Variants in NR3C2 observed in about 807,000 individuals in gnomAD.
NR3C2 encodes the protein nuclear receptor subfamily 3 group C member 2.
Under a neutral mutation model 86.4 loss-of-function variants are expected in NR3C2, and 15 were observed. The ratio of observed to expected loss-of-function variants is 0.17; its 90% CI spans 0.12 to 0.27. The LOEUF (loss-of-function observed/expected upper bound fraction) is 0.27, where lower values mean the gene tolerates loss of function less well. Among genes scored for constraint, NR3C2 ranks in the 10% least tolerant of loss-of-function variants. NR3C2 has a pLI of 1.00. For synonymous variants in NR3C2, 458 were observed against 450.5 expected, an observed-to-expected ratio of 1.02 and a Z score of -0.21; for missense variants, 960 against 1,195.6, an observed-to-expected ratio of 0.80 and a Z score of 2.91.
intron 4 of NR3C2, among the ~76,000 whole-genome samples, chr4:148,181,236 T>C (rs539548799): frequency 1.3e-5 from 2 of 152,332 alleles, no homozygotes; most frequent in African/African-American, 4.8e-5. Context: ...TTTAGTATTT[T>C]AGTGTCTTCA....
At chr4:148,167,042 C>T (rs1734912364) in intron 4 of NR3C2, among the ~76,000 whole-genome samples, 1 of 152,188 alleles carries the variant, frequency 6.6e-6, no homozygotes. Context: ...TGTTACTATT[C>T]TGCTTATGTT....
intron 6 of NR3C2, among the ~76,000 whole-genome samples, chr4:148,134,636 TC>T (rs1170490677): frequency 0.015 from 1,742 of 119,246 alleles, 72 homozygotes; most frequent in African/African-American, 0.062. Flanking sequence ...TCTCTCTCTC[TC>T]TCTCTCTTTT....
At chr4:148,192,419 C>T (rs536939228) in intron 4 of NR3C2, among the ~76,000 whole-genome samples, 1 of 152,284 alleles carries the variant, frequency 6.6e-6, no homozygotes, top group East Asian at 1.9e-4. Flanking sequence ...GGGTTTTTAG[C>T]TTTGGTGGTT....
intron 4 of NR3C2, among the ~76,000 whole-genome samples, chr4:148,159,275 G>C (rs542216152): frequency 1.3e-5 from 2 of 152,070 alleles, no homozygotes; most frequent in Non-Finnish European, 2.9e-5. Flanking sequence ...CATATATAAA[G>C]TATTAGTTTA....
intron 8 of NR3C2, among the ~76,000 whole-genome samples, chr4:148,085,870 A>G (rs1164369030): frequency 6.6e-6 from 1 of 152,242 alleles, no homozygotes; most frequent in African/African-American, 2.4e-5. Context: ...CAAATAAACT[A>G]GAAAATCTAG....
chr4:148,218,514 T>C (rs1663738664), intron 3 of NR3C2, among the ~76,000 whole-genome samples: 1 of 152,226 alleles, frequency 6.6e-6, no homozygotes, highest in Non-Finnish European at 1.5e-5. Flanking sequence ...TCCTCCATCT[T>C]ATTTTTCAAG....
intron 4 of NR3C2, among the ~76,000 whole-genome samples, chr4:148,159,889 A>G (rs748836614): frequency 6.6e-6 from 1 of 152,240 alleles, no homozygotes; most frequent in Non-Finnish European, 1.5e-5. Context: ...TACTAAATCA[A>G]TATTGAGTTT....
intron 4 of NR3C2, among the ~76,000 whole-genome samples, chr4:148,164,782 G>A (rs1734808932): frequency 6.6e-6 from 1 of 152,224 alleles, no homozygotes; most frequent in African/African-American, 2.4e-5. Flanking sequence ...GTTCTAACAA[G>A]GTCACAGGGG....
intron 4 of NR3C2, among the ~76,000 whole-genome samples, chr4:148,179,429 G>T (rs1735545954): frequency 6.6e-6 from 1 of 151,686 alleles, no homozygotes; most frequent in Non-Finnish European, 1.5e-5. Context: ...GCAACAGAGG[G>T]TATCTGTATA....
At chr4:148,176,447 A>C (rs1236428817) in intron 4 of NR3C2, among the ~76,000 whole-genome samples, 1 of 152,204 alleles carries the variant, frequency 6.6e-6, no homozygotes, top group Non-Finnish European at 1.5e-5. Flanking sequence ...AGATGTACAA[A>C]GGGAGCATCT....
intron 2 of NR3C2, among the ~76,000 whole-genome samples, chr4:148,319,489 T>C (rs200982706): frequency 0.13 from 18,953 of 150,570 alleles, 1,256 homozygotes; most frequent in Middle Eastern, 0.16. Context: ...TTTCACGATA[T>C]TGATTCTTCC....
intron 4 of NR3C2, among the ~76,000 whole-genome samples, chr4:148,161,435 C>T (rs1207121442): frequency 2.0e-5 from 3 of 151,848 alleles, no homozygotes; most frequent in Non-Finnish European, 4.4e-5. Flanking sequence ...CTGCAACCTC[C>T]GTCTCCTGGG....
chr4:148,327,298 A>T (rs996786903), intron 2 of NR3C2, among the ~76,000 whole-genome samples: 1 of 152,238 alleles, frequency 6.6e-6, no homozygotes, highest in Non-Finnish European at 1.5e-5. Flanking sequence ...GAAATATTTC[A>T]ATTTCTGAAA....
At chr4:148,271,676 C>T (rs528541514) in intron 2 of NR3C2, among the ~76,000 whole-genome samples, 1 of 152,018 alleles carries the variant, frequency 6.6e-6, no homozygotes, top group African/African-American at 2.4e-5. Context: ...TCCACCTGCC[C>T]GCATCCTCCT....
At chr4:148,368,696 A>C (rs149087303) in intron 2 of NR3C2, among the ~76,000 whole-genome samples, 37 of 152,300 alleles carry the variant, frequency 2.4e-4, no homozygotes, top group African/African-American at 8.7e-4. Context: ...TCTGAAGACT[A>C]GATTGGTATG....
At chr4:148,201,585 T>C (rs1303233298) in intron 3 of NR3C2, among the ~76,000 whole-genome samples, 2 of 152,176 alleles carry the variant, frequency 1.3e-5, no homozygotes, top group Non-Finnish European at 2.9e-5. Flanking sequence ...ACAAACACCA[T>C]TGCTACAGAC....
chr4:148,241,241 G>A (rs1404827350), intron 3 of NR3C2, among the ~76,000 whole-genome samples: 1 of 135,546 alleles, frequency 7.4e-6, no homozygotes, highest in Non-Finnish European at 1.5e-5. Context: ...AGGAGGCAGA[G>A]GTTGCAGTGA....
chr4:148,127,036 C>T (rs1347383659), intron 6 of NR3C2, among the ~76,000 whole-genome samples: 2 of 152,212 alleles, frequency 1.3e-5, no homozygotes, highest in Non-Finnish European at 2.9e-5. Context: ...ATTACAGTCA[C>T]TCATTTGTTT....
intron 6 of NR3C2, among the ~76,000 whole-genome samples, chr4:148,142,662 T>C (rs990971634): frequency 8.5e-5 from 13 of 152,220 alleles, no homozygotes; most frequent in Admixed American, 3.3e-4. Flanking sequence ...GCCAGACTAA[T>C]TTTTTGTATT....
Sources: gnomAD v4.1 joint callset for allele counts (sites outside exome capture counted in the v4.1 genomes callset) on GRCh38, gnomAD v4.1.1 for gene constraint, MANE v1.5 for transcripts, NCBI Gene and HGNC (gene_info 2026-07-23, HGNC 2026-07-21) for gene names.